Variants in C2CD2 observed in about 807,000 individuals in gnomAD.
The protein encoded by C2CD2 is C2 domain-containing protein 2.
In C2CD2, 43 loss-of-function variants were observed where a neutral mutation model predicts 74.3. The ratio of observed to expected loss-of-function variants is 0.58; its 90% confidence interval spans 0.45 to 0.75. The LOEUF is 0.75. Among genes scored for constraint, C2CD2 ranks in the 30% least tolerant of loss-of-function variants. The probability of loss-of-function intolerance (pLI) is 0.00; values close to 1 mark genes in which losing one functional copy is unlikely to be tolerated. For missense variants in C2CD2, 801 were observed against 916.3 expected (o/e 0.87, Z 1.63); for synonymous variants, 422 against 390.7 (o/e 1.08, Z -0.94).
rs2065212148 is a variant in C2CD2, at chr21:41,926,348, G to GA, written c.379-4264_379-4263insT. On this transcript the variant is annotated intron_variant, in intron 2 of 13. Transcript: ENST00000380486. This position sits in a 1 kb window ranked among gnomAD's most constrained non-coding sequence, Gnocchi z 8.0. ...GTGACAGAGTGTTTTTCGGAGTGGG[G>GA]GGCTATTCACGGTAAGTCAGGGTCT... is the stretch of plus-strand genomic sequence containing the variant. 2 of 619,162 alleles carry GA rather than the reference G, an allele frequency of 3.2e-6. No homozygotes were observed. The highest frequency in any genetic ancestry group is 2.0e-6 in the Non-Finnish European group (1 of 495,412). 38.4% of individuals were successfully genotyped at this position (619,162 alleles called of 1,614,324 possible).
At chr21:41,942,312 T>C in intron 1 of C2CD2, 67 bp from the exon 2 acceptor site, 1 of 1,227,156 alleles carries the variant, frequency 8.1e-7, no homozygotes, top group Non-Finnish European at 1.2e-6. Flanking sequence ...ATTACATATC[T>C]GTTTAAAGTT....
At chr21:41,915,345 G>A (rs1008420096) in intron 5 of C2CD2, among the ~76,000 whole-genome samples, 3 of 152,058 alleles carry the variant, frequency 2.0e-5, no homozygotes, top group East Asian at 1.9e-4. Context: ...ACACCAGGGC[G>A]TTTCCAACAG....
chr21:41,906,971 A>G, intron 10 of C2CD2, 21 bp downstream of exon 10: 2 of 1,603,178 alleles, frequency 1.2e-6, no homozygotes, highest in Non-Finnish European at 1.7e-6. Context: ...AAGTTCCTCG[A>G]CTGCGTTCCT....
chr21:41,935,984 T>G (rs1464933399), intron 2 of C2CD2, among the ~76,000 whole-genome samples: 1 of 150,782 alleles, frequency 6.6e-6, no homozygotes, highest in African/African-American at 2.4e-5. Context: ...GACCAGAAAC[T>G]ATAAAACTAC....
At chr21:41,920,192 A>G (rs1462591861) in intron 3 of C2CD2, among the ~76,000 whole-genome samples, 1 of 152,212 alleles carries the variant, frequency 6.6e-6, no homozygotes, top group Non-Finnish European at 1.5e-5. Flanking sequence ...GGCAGCCCTG[A>G]CAGCTCCTGG....
At chr21:41,900,808 A>G (rs2064886139) in intron 12 of C2CD2, 1 of 152,224 alleles carries the variant, frequency 6.6e-6, no homozygotes, top group East Asian at 1.9e-4. Context: ...TGTCAAAAAA[A>G]AGTAAGGGCC....
rs748280598 is a variant in C2CD2, at chr21:41,942,114, C to G, written c.378+33G>C. On this transcript the variant is annotated intron_variant, in intron 2 of 13. Coordinates refer to ENST00000380486, the MANE Select transcript of C2CD2 (RefSeq NM_015500.2). The stretch of plus-strand genomic sequence containing the variant: ...TCCCCGTCCCCGGCATCAAGTTCAC[C>G]TCTTCCTGCAGGGAATGGGCTCCTG... 9.6e-5 allele frequency: 148 copies of G among 1,546,660 alleles called. No homozygotes were observed. In the Middle Eastern group the frequency reaches 2.7e-3, roughly 29 times the overall value.
In C2CD2 at chr21:41,926,075, C is replaced by G. The variant is rs760251329; in HGVS notation, c.379-3990G>C. On this transcript the variant is annotated intron_variant, in intron 2 of 13. Coordinates refer to ENST00000380486, the MANE Select transcript of C2CD2 (RefSeq NM_015500.2). This position sits in a 1 kb window ranked among gnomAD's most constrained non-coding sequence, Gnocchi z 8.0. ...AATAGAAGCAATTATTTGGCATAGGCGGCAGTGACAGTGAACTCCTCAGAG... is the reference window on the plus strand; with the variant it reads ...AATAGAAGCAATTATTTGGCATAGGGGGCAGTGACAGTGAACTCCTCAGAG... 2.2e-4 allele frequency among the ~76,000 whole-genome samples: 34 copies of G among 152,150 alleles called. No homozygotes were observed. The highest frequency in any genetic ancestry group is 5.9e-5 in the Non-Finnish European group (4 of 68,032).
At position 41,904,325 on chromosome 21, in the gene C2CD2, G is replaced by A. The variant is rs1034109931; in HGVS notation, c.1432+1399C>T. Among the ~76,000 whole-genome samples, 9 of 67,970 alleles carry A rather than the reference G, an allele frequency of 1.3e-4. No homozygotes were observed. The East Asian group carries it at 1.9e-3, about 14-fold the overall frequency. 44.6% of individuals were successfully genotyped at this position (67,970 alleles called of 152,430 possible). ...GAATGCTCAGTTCTGAGAAATCGCC[G>A]CCCCTCGTAGAAAACTCGTGAATAA... On this transcript the variant is annotated intron_variant, in intron 11 of 13. Transcript: ENST00000380486.
Position 41,889,294 on chromosome 21 carries a change from G to A in C2CD2, c.1921C>T (p.Gln641Ter), listed in dbSNP as rs1455696692. 2 of 1,613,988 alleles carry A rather than the reference G, an allele frequency of 1.2e-6. No homozygotes were observed. The highest frequency in any genetic ancestry group is 1.7e-6 in the Non-Finnish European group (2 of 1,180,026). The change falls in exon 14 of 14, where the codon CAG becomes TAG. Residue 641 changes from glutamine (Q) to a stop codon, truncating the protein, a stop_gained. Coordinates refer to ENST00000380486, the MANE Select transcript of C2CD2 (RefSeq NM_015500.2). LOFTEE classifies it high-confidence loss of function. Reference protein sequence around the residue: ...AKLFFRRRHQQKDPGMSQSHN... With the variant: ...AKLFFRRRHQ The stretch of plus-strand genomic sequence containing the variant: ...GACTGACTCATGCCTGGGTCTTTCT[G>A]TTGATGCCGCCGGCGGAAGAACAGC...
rs1247523691 is a variant in C2CD2, at chr21:41,923,595, G to A, written c.379-1510C>T. 6.6e-6 allele frequency among the ~76,000 whole-genome samples: 1 copy of A among 152,130 alleles called. No individual in the cohort carries two copies. The highest frequency in any genetic ancestry group is 1.5e-5 in the Non-Finnish European group (1 of 68,038). ...CAAACAATTATAAAATTATGCAGCC[G>A]TACCAAAACCAGAATTATAAAATGA... On this transcript the variant is annotated intron_variant, in intron 2 of 13. Transcript: ENST00000380486. This position sits in a 1 kb window ranked among gnomAD's most constrained non-coding sequence, Gnocchi z 5.8.
At chr21:41,949,557 T>C (rs1470167886) in intron 1 of C2CD2, among the ~76,000 whole-genome samples, 2 of 152,198 alleles carry the variant, frequency 1.3e-5, no homozygotes, top group African/African-American at 2.4e-5. Context: ...GTAAATTAGT[T>C]CAACCATTGT....
intron 11 of C2CD2, among the ~76,000 whole-genome samples, chr21:41,905,033 G>A (rs565448646): frequency 6.6e-6 from 1 of 152,320 alleles, no homozygotes; most frequent in African/African-American, 2.4e-5. Flanking sequence ...CTACTAAGCT[G>A]GTGTAAGCAG....
chr21:41,913,862 C>T (rs1601573474), intron 6 of C2CD2, among the ~76,000 whole-genome samples: 2 of 152,306 alleles, frequency 1.3e-5, no homozygotes, highest in Admixed American at 1.3e-4. Context: ...CTTGTCTTGG[C>T]TCCAACAGCA....
At chr21:41,897,731 C>T (rs566809207) in intron 13 of C2CD2, among the ~76,000 whole-genome samples, 40 of 152,306 alleles carry the variant, frequency 2.6e-4, no homozygotes, top group African/African-American at 8.9e-4. Flanking sequence ...GGGAGGCCGC[C>T]GTGCCATGGC....
chr21:41,948,150 T>C (rs1260667540), intron 1 of C2CD2, among the ~76,000 whole-genome samples: 4 of 152,232 alleles, frequency 2.6e-5, no homozygotes, highest in Non-Finnish European at 4.4e-5. Flanking sequence ...ATTAAACAGC[T>C]TGTTTTGCCC....
rs9983984 is a variant in C2CD2, at chr21:41,892,756, T to C, written c.1871-3412A>G. Among the ~76,000 whole-genome samples the C allele has an allele frequency of 0.23, 34,619 of 152,198 alleles. 4,243 individuals are homozygous for C. The highest frequency in any genetic ancestry group is 0.26 in the Non-Finnish European group (17,970 of 68,002). On this transcript the variant is annotated intron_variant, in intron 13 of 13. Transcript: ENST00000380486. This position sits in a 1 kb window ranked among gnomAD's most constrained non-coding sequence, Gnocchi z 4.6. ...AAAATGCCACTAGTGCTTAGAGCAC[T>C]CGGAGGCCACAGCCGACAACGCAGG...
chr21:41,930,818 A>G lies in C2CD2; in HGVS notation c.379-8733T>C, dbSNP rs1457952056. Among the ~76,000 whole-genome samples the G allele has an allele frequency of 5.3e-5, 8 of 150,372 alleles. 1 individual carries two copies. The highest frequency in any genetic ancestry group is 1.2e-4 in the Non-Finnish European group (8 of 67,074). On this transcript the variant is annotated intron_variant, in intron 2 of 13. Coordinates refer to ENST00000380486, the MANE Select transcript of C2CD2 (RefSeq NM_015500.2). Reference sequence around the variant, plus strand: ...AGTGACCTGTCACAGCACAGTTCCTAAGCCCTGATTCACATTCATCTTTTT... The same window carrying G: ...AGTGACCTGTCACAGCACAGTTCCTGAGCCCTGATTCACATTCATCTTTTT...
chr21:41,896,791 A>G (rs1167148005), intron 13 of C2CD2, among the ~76,000 whole-genome samples: 1 of 152,152 alleles, frequency 6.6e-6, no homozygotes, highest in African/African-American at 2.4e-5. Context: ...GTTTGGTTGA[A>G]AAATGAAAAT....
Sources: gnomAD v4.1 joint callset for allele counts (sites outside exome capture counted in the v4.1 genomes callset) on GRCh38, gnomAD v4.1.1 for gene constraint, Gnocchi (gnomAD v3.1) non-coding constraint, MANE v1.5 for transcripts, NCBI Gene and HGNC (gene_info 2026-07-23, HGNC 2026-07-21) for gene names.